The following CPSF2 variants were observed in gnomAD, a reference collection of about 807,000 sequenced individuals.
CPSF2 encodes the protein cleavage and polyadenylation specificity factor subunit 2.
CPSF2 carries 51 observed loss-of-function variants against 84.2 expected under a neutral mutation model. The ratio of observed to expected loss-of-function variants is 0.61; its 90% confidence interval spans 0.48 to 0.77. CPSF2 has a LOEUF of 0.77. CPSF2 is among the 30% of genes least tolerant of loss of function. CPSF2 has a pLI of 0.00. For missense variants in CPSF2, 641 were observed against 929.4 expected, an observed-to-expected ratio of 0.69 and a Z score of 4.03; for synonymous variants, 286 against 311.9, an observed-to-expected ratio of 0.92 and a Z score of 0.87.
At position 92,134,165 on chromosome 14, in the gene CPSF2, T is replaced by C. The variant is rs747456628; in HGVS notation, c.304T>C (p.Tyr102His). The C allele has an allele frequency of 6.2e-7, 1 of 1,613,914 alleles. No homozygotes were observed. The highest frequency in any genetic ancestry group is 1.3e-5 in the African/African-American group (1 of 74,936). Reference protein sequence around the residue: ...KMGQMFMYDLYQSRHNTEDFT... With the variant: ...KMGQMFMYDLHQSRHNTEDFT... ...GGGACAGATGTTCATGTATGATCTT[T>C]ATCAGGTAATTTAAGCAATTAAAAA... Residue 102 changes from tyrosine to histidine, a missense_variant, in exon 4 of 16, where the codon TAT becomes CAT. Tyr to His is a moderately conservative substitution (Grantham distance 83). Coordinates refer to ENST00000298875, the MANE Select transcript of CPSF2 (RefSeq NM_017437.3).
chr14:92,151,273 C>T (rs991191790), intron 9 of CPSF2, among the ~76,000 whole-genome samples: 3 of 151,880 alleles, frequency 2.0e-5, no homozygotes, highest in East Asian at 1.9e-4. Flanking sequence ...CATCTGTGGT[C>T]GCAGCTATTC....
Position 92,159,065 on chromosome 14 carries a change from T to G in CPSF2, c.1904T>G (p.Leu635Ter), listed in dbSNP as rs2069330534. The change falls in exon 14 of 16, where the codon TTA becomes TGA. Residue 635 changes from leucine to a stop codon, truncating the protein, a stop_gained. Coordinates refer to ENST00000298875, the MANE Select transcript of CPSF2 (RefSeq NM_017437.3). LOFTEE classifies it high-confidence loss of function. ...GAATTAGCTTGGATAGATGGTGTCT[T>G]AGATATGAGAGTTTCCAAAGTGGAC... Reference protein sequence around the residue: ...DAELAWIDGVLDMRVSKVDTG... With the variant: ...DAELAWIDGV 1 of 1,614,050 alleles carries G rather than the reference T, an allele frequency of 6.2e-7. No homozygotes were observed. The highest frequency in any genetic ancestry group is 8.5e-7 in the Non-Finnish European group (1 of 1,179,956).
chr14:92,122,887 C>G (rs1443680633), intron 1 of CPSF2, among the ~76,000 whole-genome samples: 5 of 147,328 alleles, frequency 3.4e-5, no homozygotes, highest in African/African-American at 1.3e-4. Flanking sequence ...CGGGGTTTCA[C>G]TATGTTGCCC....
intron 13 of CPSF2, 78 bp from the exon 14 acceptor site, chr14:92,158,905 A>T: frequency 7.7e-7 from 1 of 1,306,806 alleles, no homozygotes; most frequent in Non-Finnish European, 1.0e-6. Flanking sequence ...AGAGGTAGAA[A>T]ATGATAATAG....
chr14:92,139,950 A>T (rs58627070), intron 7 of CPSF2, among the ~76,000 whole-genome samples: 12,775 of 98,282 alleles, frequency 0.13, 860 homozygotes, highest in African/African-American at 0.2. Flanking sequence ...AAGTACAACT[A>T]TTTTTTTTTT....
rs1486591856 is a variant in CPSF2, at chr14:92,170,235, A to G, written c.*8491A>G. 2 of 152,206 alleles carry G rather than the reference A, an allele frequency of 1.3e-5. No individual in the cohort carries two copies. The highest frequency in any genetic ancestry group is 2.9e-5 in the Non-Finnish European group (2 of 68,032). 9.4% of individuals were successfully genotyped at this position (152,206 alleles called of 1,614,324 possible). A position where few individuals can be genotyped will look rare whatever the true frequency, so the allele number is the denominator to read the frequency against. On this transcript the variant is annotated 3_prime_UTR_variant, in exon 16 of 16. Coordinates refer to ENST00000298875, the MANE Select transcript of CPSF2 (RefSeq NM_017437.3). ...TAATTTTAAACTTACAGAAAAGTAG[A>G]ATAGTTCAAAAGATCCTGTATATCC...
chr14:92,140,326 C>T (rs1007357578), intron 7 of CPSF2, among the ~76,000 whole-genome samples: 4 of 151,988 alleles, frequency 2.6e-5, no homozygotes, highest in African/African-American at 4.8e-5. Context: ...CTGTGGTTCA[C>T]GCCTGACATT....
chr14:92,123,282 C>A (rs570034812), intron 1 of CPSF2, among the ~76,000 whole-genome samples: 14 of 152,080 alleles, frequency 9.2e-5, no homozygotes, highest in Non-Finnish European at 1.5e-4. Context: ...GCGCGCACCA[C>A]CACGCCCACC....
chr14:92,142,376 A>G, intron 8 of CPSF2, 25 bp downstream of exon 8: 1 of 1,577,654 alleles, frequency 6.3e-7, no homozygotes, highest in South Asian at 1.1e-5. Context: ...TGTCACTTGT[A>G]ATAAGTTTGC....
At chr14:92,150,328 G>C (rs1037090400) in intron 9 of CPSF2, among the ~76,000 whole-genome samples, 7 of 151,702 alleles carry the variant, frequency 4.6e-5, no homozygotes, top group Non-Finnish European at 7.4e-5. Context: ...CACTATGTTG[G>C]CCAGGCTGGT....
intron 14 of CPSF2, 37 bp from the exon 15 acceptor site, chr14:92,161,075 A>G (rs1374165305): frequency 1.9e-6 from 3 of 1,602,894 alleles, no homozygotes; most frequent in African/African-American, 2.7e-5. Context: ...CTGGTGTTTT[A>G]CTTGAAGTTA....
chr14:92,125,098 G>GT (rs1282314874), intron 1 of CPSF2, among the ~76,000 whole-genome samples: 2 of 152,086 alleles, frequency 1.3e-5, no homozygotes, highest in Non-Finnish European at 2.9e-5. Context: ...TGAGCAAGGG[G>GT]TAATAGGTGC....
chr14:92,152,924 T>A (rs1407541615), intron 9 of CPSF2, among the ~76,000 whole-genome samples: 2 of 152,022 alleles, frequency 1.3e-5, no homozygotes, highest in Admixed American at 1.3e-4. Context: ...ATCATTCCAT[T>A]TTGATGGATT....
At chr14:92,142,466 G>A in intron 8 of CPSF2, 115 bp downstream of exon 8, 1 of 766,778 alleles carries the variant, frequency 1.3e-6, no homozygotes, top group Non-Finnish European at 2.1e-6. Context: ...TTGTTAATAA[G>A]ATGATAACTT....
At position 92,157,229 on chromosome 14, in the gene CPSF2, C is replaced by G. The variant is rs1020640861; in HGVS notation, c.1596-430C>G. 6.6e-6 allele frequency among the ~76,000 whole-genome samples: 1 copy of G among 151,708 alleles called. No homozygotes were observed. Among genetic ancestry groups the G allele is most frequent in the East Asian group, 1.9e-4 (1 of 5,170 alleles). ...AAAATCTAAATAATACAGATAGGGC[C>G]GGGCACGGTGGCTGATGCCTGTAAT... On this transcript the variant is annotated intron_variant, in intron 12 of 15. Coordinates refer to ENST00000298875, the MANE Select transcript of CPSF2 (RefSeq NM_017437.3). This position sits in a 1 kb window ranked among gnomAD's most constrained non-coding sequence, Gnocchi z 4.0.
intron 9 of CPSF2, among the ~76,000 whole-genome samples, chr14:92,145,794 A>C (rs1391740721): frequency 6.6e-6 from 1 of 152,232 alleles, no homozygotes; most frequent in African/African-American, 2.4e-5. Flanking sequence ...AAGCATGCTA[A>C]AGAAATGAGA....
intron 1 of CPSF2, among the ~76,000 whole-genome samples, chr14:92,125,599 G>A (rs2068836248): frequency 6.6e-6 from 1 of 151,942 alleles, no homozygotes; most frequent in Non-Finnish European, 1.5e-5. Context: ...AAATGTTTCT[G>A]TTGCCTGCAG....
chr14:92,146,728 G>GTA (rs2069149178), intron 9 of CPSF2, among the ~76,000 whole-genome samples: 1 of 151,940 alleles, frequency 6.6e-6, no homozygotes, highest in Non-Finnish European at 1.5e-5. Flanking sequence ...TGCTTAAATG[G>GTA]CTCCAAAGCC....
At chr14:92,129,701 T>A (rs1266395993) in intron 2 of CPSF2, among the ~76,000 whole-genome samples, 1 of 152,168 alleles carries the variant, frequency 6.6e-6, no homozygotes, top group African/African-American at 2.4e-5. Flanking sequence ...ATCCCATTTT[T>A]AAAAAATGTA....
Sources: allele counts gnomAD v4.1 joint callset (sites outside exome capture counted in the v4.1 genomes callset), GRCh38; gene constraint gnomAD v4.1.1; non-coding constraint Gnocchi (gnomAD v3.1); transcripts MANE v1.5; gene names NCBI Gene and HGNC (gene_info 2026-07-23, HGNC 2026-07-21).